The following MEGF11 variants were observed in gnomAD, a reference collection of about 807,000 sequenced individuals.
MEGF11 encodes the protein multiple EGF like domains 11.
Under a neutral mutation model 146.6 loss-of-function variants are expected in MEGF11, and 126 were observed. The observed-to-expected ratio is 0.86, with a 90% CI of 0.74 to 1.00. MEGF11 has a LOEUF of 1.00. Ranked by LOEUF, MEGF11 falls within the 50% of genes least tolerant of loss-of-function variation. The pLI is 0.00. For synonymous variants in MEGF11, 532 were observed against 583.4 expected, an observed-to-expected ratio of 0.91 and a Z score of 1.27; for missense variants, 1,509 against 1,521.2, an observed-to-expected ratio of 0.99 and a Z score of 0.13.
intron 1 of MEGF11, among the ~76,000 whole-genome samples, chr15:66,249,408 C>T (rs1469783716): frequency 1.3e-5 from 2 of 152,138 alleles, no homozygotes; most frequent in African/African-American, 2.4e-5. Flanking sequence ...TGGATGACAC[C>T]TTTTCAATTA....
At chr15:66,243,137 G>A (rs1169386630) in intron 1 of MEGF11, among the ~76,000 whole-genome samples, 1 of 152,170 alleles carries the variant, frequency 6.6e-6, no homozygotes, top group Non-Finnish European at 1.5e-5. Context: ...GGCACTCTGG[G>A]CAAGGCACCT....
At chr15:65,994,624 C>T (rs2082147681) in intron 5 of MEGF11, among the ~76,000 whole-genome samples, 1 of 152,164 alleles carries the variant, frequency 6.6e-6, no homozygotes, top group African/African-American at 2.4e-5. Context: ...TGGACCTGGG[C>T]AGCCGAGAGT....
intron 1 of MEGF11, among the ~76,000 whole-genome samples, chr15:66,229,334 G>A (rs367556453): frequency 3.7e-4 from 56 of 152,122 alleles, no homozygotes; most frequent in East Asian, 1.7e-3. Context: ...CCAGGCTCCC[G>A]GTGGGCCATG....
chr15:65,942,673 C>T (rs897827401), intron 10 of MEGF11, among the ~76,000 whole-genome samples: 1 of 152,070 alleles, frequency 6.6e-6, no homozygotes, highest in Non-Finnish European at 1.5e-5. Context: ...TTCCCCGTGC[C>T]TGGCCTCATC....
intron 5 of MEGF11, among the ~76,000 whole-genome samples, chr15:65,983,844 AC>A (rs982161054): frequency 1.3e-5 from 2 of 152,212 alleles, no homozygotes; most frequent in Non-Finnish European, 2.9e-5. Context: ...AAGCAAAGAT[AC>A]AGTGGCGTTC....
intron 4 of MEGF11, among the ~76,000 whole-genome samples, chr15:66,116,775 T>C (rs2087750432): frequency 1.3e-5 from 2 of 152,150 alleles, no homozygotes; most frequent in Admixed American, 1.3e-4. Context: ...ACCAATGCCA[T>C]GGAGGAGGGA....
intron 10 of MEGF11, among the ~76,000 whole-genome samples, chr15:65,950,339 TTTTGGGAGGCCAAGA>T: frequency 6.6e-6 from 1 of 152,116 alleles, no homozygotes; most frequent in Admixed American, 6.5e-5. Flanking sequence ...AAATCCAACA[TTTTGGGAGGCCAAGA>T]TGGGCAGATC....
intron 21 of MEGF11, 133 bp from the exon 22 acceptor site, chr15:65,909,939 A>C: frequency 1.3e-6 from 1 of 772,188 alleles, no homozygotes; most frequent in Non-Finnish European, 2.2e-6. Context: ...CGTTGAGAGA[A>C]AGGGCGAGCT....
Position 65,898,872 on chromosome 15 carries a change from A to G in MEGF11, c.3118T>C (p.Tyr1040His), listed in dbSNP as rs940047803. ...ATGGGTGGGTCCTTAATTGTGGCGT[A>G]AGGGTTTTCACTGCTATTCAAGGAA... Reference protein sequence around the residue: ...TCSLNSSENPYATIKDPPILT... With the variant: ...TCSLNSSENPHATIKDPPILT... The change falls in exon 25 of 26, where the codon TAC becomes CAC. Residue 1040 changes from tyrosine to histidine, a missense_variant. Physicochemically the swap from Tyr to His is moderately conservative, Grantham distance 83 (BLOSUM62 2). Transcript: ENST00000395614. 5.0e-6 allele frequency: 8 copies of G among 1,613,880 alleles called. No individual in the cohort carries two copies. In the African/African-American group the frequency reaches 9.3e-5, roughly 19 times the overall value.
At chr15:66,112,074 T>A (rs1344852011) in intron 4 of MEGF11, among the ~76,000 whole-genome samples, 1 of 132,028 alleles carries the variant, frequency 7.6e-6, no homozygotes, top group African/African-American at 2.8e-5. Context: ...GGGCTAATAG[T>A]TAAAAAAAAA....
At chr15:66,102,437 T>TC (rs2086861945) in intron 4 of MEGF11, among the ~76,000 whole-genome samples, 1 of 145,998 alleles carries the variant, frequency 6.8e-6, no homozygotes. Context: ...CATTTTCTTT[T>TC]TTTTTTTTTT....
intron 10 of MEGF11, among the ~76,000 whole-genome samples, chr15:65,952,399 T>C (rs1400126054): frequency 6.6e-6 from 1 of 152,186 alleles, no homozygotes; most frequent in African/African-American, 2.4e-5. Flanking sequence ...CTTAGTCCCC[T>C]CATCCACAAT....
At chr15:65,944,976 G>A (rs951201101) in intron 10 of MEGF11, among the ~76,000 whole-genome samples, 2 of 147,642 alleles carry the variant, frequency 1.4e-5, no homozygotes, top group African/African-American at 5.1e-5. Context: ...TCAGCTCACT[G>A]CCACCTCCAT....
rs759920937 is a variant in MEGF11, at chr15:65,898,926, T to C, written c.3064A>G (p.Lys1022Glu). The C allele has an allele frequency of 4.6e-5, 74 of 1,613,780 alleles. No homozygotes were observed. The highest frequency in any genetic ancestry group is 1.2e-4 in the Admixed American group (7 of 60,006). ...IMDKGFKDYM[K>E]ESVCSSSTCS... ...GTACTAGAACTGCACACGGATTCTT[T>C]CATGTAATCTGCAAGGCAAGAGACA... Residue 1022 changes from lysine to glutamate, a missense_variant, in exon 25 of 26, where the codon AAA becomes GAA. Physicochemically the swap from Lys to Glu is moderately conservative, Grantham distance 56 (BLOSUM62 1). Coordinates refer to ENST00000395614, the MANE Select transcript of MEGF11 (RefSeq NM_001385028.1).
rs1218810992 is a variant in MEGF11, at chr15:66,141,274, GT to G, written c.-8-12864del. Among the ~76,000 whole-genome samples the G allele has an allele frequency of 4.8e-4, 65 of 134,860 alleles. 1 individual carries two copies. The highest frequency in any genetic ancestry group is 1.5e-3 in the African/African-American group (58 of 38,078). 88.5% of individuals were successfully genotyped at this position (134,860 alleles called of 152,430 possible). Reference sequence around the variant, plus strand: ...TGTGTGTGTGTGTGTGTGTGTGTGTGTGTGTGTGTGTGTGTGAGAGAGAGAG... The same window carrying G: ...TGTGTGTGTGTGTGTGTGTGTGTGTGGTGTGTGTGTGTGTGAGAGAGAGAG... On this transcript the variant is annotated intron_variant, in intron 1 of 25. Transcript: ENST00000395614.
intron 10 of MEGF11, among the ~76,000 whole-genome samples, chr15:65,944,455 G>C (rs916520532): frequency 3.3e-5 from 5 of 152,298 alleles, no homozygotes; most frequent in African/African-American, 9.6e-5. Context: ...CACGTGGGTT[G>C]GGGGGCTGCA....
At chr15:66,115,107 A>C (rs532903279) in intron 4 of MEGF11, among the ~76,000 whole-genome samples, 5 of 152,382 alleles carry the variant, frequency 3.3e-5, no homozygotes, top group African/African-American at 1.2e-4. Context: ...GGCTCCCAGA[A>C]GGTGACTCTG....
At chr15:66,211,440 C>T (rs899621623) in intron 1 of MEGF11, among the ~76,000 whole-genome samples, 8 of 150,274 alleles carry the variant, frequency 5.3e-5, no homozygotes, top group African/African-American at 1.2e-4. Context: ...AGGAAAATGG[C>T]GTGAACCCGG....
rs991927758 is a variant in MEGF11 at position 66,114,445 on chromosome 15, G to A, written c.301+4641C>T. Among the ~76,000 whole-genome samples the A allele has an allele frequency of 1.3e-4, 20 of 152,320 alleles. 1 individual carries two copies. The highest frequency in any genetic ancestry group is 4.1e-4 in the African/African-American group (17 of 41,572). ...TGGGATTTGGACGTTGTCTGTTACC[G>A]CAGCAAAACTCAGTATGCTCATAAC... On this transcript the variant is annotated intron_variant, in intron 4 of 25. Coordinates refer to ENST00000395614, the MANE Select transcript of MEGF11 (RefSeq NM_001385028.1).
Sources: allele counts gnomAD v4.1 joint callset (sites outside exome capture counted in the v4.1 genomes callset), GRCh38; gene constraint gnomAD v4.1.1; transcripts MANE v1.5; gene names NCBI Gene and HGNC (gene_info 2026-07-23, HGNC 2026-07-21).